Variants in NUP210L observed in about 807,000 individuals in gnomAD.
The protein encoded by NUP210L is nucleoporin 210 like.
Under a neutral mutation model 208.5 loss-of-function variants are expected in NUP210L, and 74 were observed. The observed-to-expected ratio is 0.35, with a 90% confidence interval of 0.29 to 0.43. NUP210L has a LOEUF of 0.43. NUP210L is among the 20% of genes least tolerant of loss of function. The pLI, the probability that NUP210L is intolerant of heterozygous loss-of-function variation, is 1.00. For synonymous variants in NUP210L, 780 were observed against 816.9 expected (o/e 0.95, Z 0.77); for missense variants, 1,843 against 2,289.4 (o/e 0.81, Z 3.98).
rs1351557371 is a variant in NUP210L at position 154,009,882 on chromosome 1, T to C, written c.4930+90A>G. On this transcript the variant is annotated intron_variant, in intron 35 of 39. Coordinates refer to ENST00000368559, the Ensembl canonical transcript of NUP210L. ...TCCACAGTTATATATCAGATGAAAC[T>C]ACAGATATAAATGCAATCCAATAAG... is the stretch of plus-strand genomic sequence containing the variant. 5 of 1,043,100 alleles carry C rather than the reference T, an allele frequency of 4.8e-6. No individual in the cohort carries two copies. In the East Asian group the frequency reaches 1.3e-4, roughly 28 times the overall value. 64.6% of individuals were successfully genotyped at this position (1,043,100 alleles called of 1,614,324 possible). A position where few individuals can be genotyped will look rare whatever the true frequency, so the allele number is the denominator to read the frequency against.
chr1:154,098,061 T>C (rs1406566979), intron 14 of NUP210L, among the ~76,000 whole-genome samples: 1 of 152,142 alleles, frequency 6.6e-6, no homozygotes, highest in South Asian at 2.1e-4. Context: ...TGAGGAAGCA[T>C]GGGGTCCAGC....
At chr1:154,072,121 C>A (rs1161409886) in intron 16 of NUP210L, among the ~76,000 whole-genome samples, 2 of 151,816 alleles carry the variant, frequency 1.3e-5, no homozygotes, top group African/African-American at 4.8e-5. Flanking sequence ...ATAATGACTT[C>A]TTTTCCTCTG....
chr1:154,152,769 G>GT lies in NUP210L; in HGVS notation c.306dup (p.Arg103ThrfsTer14). The GT allele has an allele frequency of 6.2e-7, 1 of 1,613,920 alleles. No individual in the cohort carries two copies. The highest frequency in any genetic ancestry group is 8.5e-7 in the Non-Finnish European group (1 of 1,179,812). ...CGAGCAAGAATAATACTGCTGAGGC[G>GT]TATCGGTTGCGTAGATTCAGCAATG... On this transcript the variant is annotated frameshift_variant, in exon 2 of 40. Coordinates refer to ENST00000368559, the Ensembl canonical transcript of NUP210L. LOFTEE classifies it high-confidence loss of function.
exon 25 of NUP210L, chr1:154,054,271 T>C (rs1464840110): frequency 2.5e-6 from 4 of 1,614,118 alleles, no homozygotes; most frequent in Non-Finnish European, 3.4e-6. Flanking sequence ...ATTTACTGTC[T>C]GGATGGTGCC....
At chr1:154,120,893 C>G (rs1389684556) in intron 10 of NUP210L, among the ~76,000 whole-genome samples, 2 of 35,466 alleles carry the variant, frequency 5.6e-5, no homozygotes, top group East Asian at 8.5e-4. Context: ...GAGACTCTGT[C>G]TCAAAAAAAA....
chr1:154,035,048 G>A (rs1215574511), intron 27 of NUP210L, among the ~76,000 whole-genome samples: 1 of 151,844 alleles, frequency 6.6e-6, no homozygotes, highest in East Asian at 1.9e-4. Context: ...CACCATGTTG[G>A]TCAGGCTGGT....
chr1:154,057,690 A>ATG (rs4060104), intron 22 of NUP210L, among the ~76,000 whole-genome samples: 22,961 of 125,212 alleles, frequency 0.18, 2,104 homozygotes, highest in Middle Eastern at 0.25. Flanking sequence ...AGGACCTCGA[A>ATG]TGTGTGTGTG....
intron 2 of NUP210L, among the ~76,000 whole-genome samples, chr1:154,147,621 G>C (rs1363458286): frequency 6.6e-6 from 1 of 151,784 alleles, no homozygotes; most frequent in East Asian, 2.0e-4. Context: ...TGGGATTACA[G>C]GCCTCCGGAG....
At chr1:153,992,771 C>CGCCT in exon 40 of NUP210L, 1 of 1,066,156 alleles carries the variant, frequency 9.4e-7, no homozygotes, top group East Asian at 2.4e-5. Context: ...TGCTGTTAGG[C>CGCCT]TTCTTGTCGA....
intron 10 of NUP210L, among the ~76,000 whole-genome samples, chr1:154,124,017 T>C (rs1657753727): frequency 6.6e-6 from 1 of 151,514 alleles, no homozygotes; most frequent in Non-Finnish European, 1.5e-5. Context: ...CCCCCATCTC[T>C]ACTAAAAAAA....
intron 34 of NUP210L, 112 bp downstream of exon 34, chr1:154,012,132 G>T: frequency 9.7e-7 from 1 of 1,028,984 alleles, no homozygotes; most frequent in Non-Finnish European, 1.4e-6. Context: ...TCAAGATGGA[G>T]TCAGTTTTGA....
rs767196540 is a variant in NUP210L at position 154,129,316 on chromosome 1, G to A, written c.1039C>T (p.Pro347Ser). The change falls in exon 8 of 40, where the codon CCA (proline) becomes TCA (serine). Residue 347 changes from proline to serine, a missense_variant. By Grantham distance (74) the Pro-to-Ser change is moderately conservative. Coordinates refer to ENST00000368559, the Ensembl canonical transcript of NUP210L. ...TCTACAACATATATGGTGCAATTTG[G>A]GAGTCCAGACACAGATCGCATATGA... The A allele has an allele frequency of 1.6e-5, 25 of 1,610,822 alleles. 1 individual carries two copies. In the South Asian group the frequency reaches 2.5e-4, roughly 16 times the overall value.
chr1:154,111,923 T>A (rs116804730), intron 12 of NUP210L, among the ~76,000 whole-genome samples: 2,302 of 151,564 alleles, frequency 0.015, 139 homozygotes, highest in African/African-American at 0.053. Context: ...ACAACACTTT[T>A]TTTTTGTTTT....
At chr1:154,015,722 AACAC>A (rs372823301) in intron 33 of NUP210L, among the ~76,000 whole-genome samples, 20 of 144,434 alleles carry the variant, frequency 1.4e-4, no homozygotes, top group South Asian at 6.6e-4. Flanking sequence ...TCTGTCTCAA[AACAC>A]ACACACACAC....
At chr1:154,072,319 G>T (rs1423390474) in intron 16 of NUP210L, among the ~76,000 whole-genome samples, 1 of 146,990 alleles carries the variant, frequency 6.8e-6, no homozygotes, top group African/African-American at 2.5e-5. Flanking sequence ...TTTTAATTAT[G>T]GCCATTCCTT....
intron 25 of NUP210L, among the ~76,000 whole-genome samples, chr1:154,049,368 T>C (rs1393351398): frequency 6.6e-6 from 1 of 152,106 alleles, no homozygotes; most frequent in Non-Finnish European, 1.5e-5. Context: ...TGAAATAGGG[T>C]ACGTCCCTAG....
At chr1:154,022,340 A>G (rs764274510) in exon 32 of NUP210L, 2 of 1,612,340 alleles carry the variant, frequency 1.2e-6, no homozygotes, top group Non-Finnish European at 1.7e-6. Flanking sequence ...GCAGCAAGTC[A>G]TCTCTGCAAG....
At chr1:154,033,863 A>G (rs992338444) in intron 27 of NUP210L, among the ~76,000 whole-genome samples, 1 of 152,052 alleles carries the variant, frequency 6.6e-6, no homozygotes, top group African/African-American at 2.4e-5. Flanking sequence ...AACAATATTG[A>G]TTCTTCCAAT....
chr1:154,046,259 A>C, intron 26 of NUP210L, 30 bp downstream of exon 26: 1 of 1,614,048 alleles, frequency 6.2e-7, no homozygotes, highest in South Asian at 1.1e-5. Context: ...TATCAGAATA[A>C]TGAGCCCTGA....
Sources: allele counts gnomAD v4.1 joint callset (sites outside exome capture counted in the v4.1 genomes callset), GRCh38; gene constraint gnomAD v4.1.1; transcripts MANE v1.5; gene names NCBI Gene and HGNC (gene_info 2026-07-23, HGNC 2026-07-21).